The following CLPB variants were observed in gnomAD, a reference collection of about 807,000 sequenced individuals.
CLPB encodes mitochondrial disaggregase.
In CLPB, 40 loss-of-function variants were observed where a neutral mutation model predicts 78.4. That is an observed-to-expected ratio of 0.51 (90% confidence interval 0.40 to 0.66). CLPB has a LOEUF of 0.66. CLPB is among the 30% of genes least tolerant of loss of function. The pLI is 0.00. For missense variants in CLPB, 780 were observed against 886.9 expected, an observed-to-expected ratio of 0.88 and a Z score of 1.53; for synonymous variants, 333 against 348.0, an observed-to-expected ratio of 0.96 and a Z score of 0.48.
intron 6 of CLPB, among the ~76,000 whole-genome samples, chr11:72,319,108 G>C (rs1950001138): frequency 6.6e-6 from 1 of 152,120 alleles, no homozygotes; most frequent in East Asian, 1.9e-4. Context: ...CCTGCCTCTG[G>C]GCCTTTGCTG....
intron 5 of CLPB, among the ~76,000 whole-genome samples, chr11:72,339,798 G>A (rs1950386846): frequency 1.3e-5 from 2 of 152,194 alleles, no homozygotes; most frequent in African/African-American, 4.8e-5. Flanking sequence ...GCACATGGAA[G>A]GCTGGCTTTA....
intron 4 of CLPB, among the ~76,000 whole-genome samples, chr11:72,362,417 T>A (rs1306756379): frequency 9.9e-5 from 15 of 152,244 alleles, no homozygotes; most frequent in Admixed American, 9.8e-4. Context: ...CATAAGTATG[T>A]GCTTGACAAA....
At chr11:72,401,235 C>T (rs1024443640) in intron 3 of CLPB, among the ~76,000 whole-genome samples, 1 of 151,990 alleles carries the variant, frequency 6.6e-6, no homozygotes, top group Non-Finnish European at 1.5e-5. Context: ...GTCAGGAGAT[C>T]GATACCATTC....
intron 1 of CLPB, among the ~76,000 whole-genome samples, chr11:72,432,984 T>TCATC (rs1332549423): frequency 6.6e-6 from 1 of 152,224 alleles, no homozygotes; most frequent in South Asian, 2.1e-4. Flanking sequence ...CTCACATAGG[T>TCATC]CATCAGTCTG....
chr11:72,431,707 T>A (rs1193592330), intron 1 of CLPB, among the ~76,000 whole-genome samples: 1 of 152,020 alleles, frequency 6.6e-6, no homozygotes, highest in African/African-American at 2.4e-5. Context: ...CTCCCTTCAC[T>A]CTGCAGAAAA....
At chr11:72,323,472 CAGG>C (rs1160582568) in intron 6 of CLPB, among the ~76,000 whole-genome samples, 1 of 150,254 alleles carries the variant, frequency 6.7e-6, no homozygotes, top group African/African-American at 2.5e-5. Flanking sequence ...GAGGCTGAGG[CAGG>C]AGAATTGCTT....
intron 2 of CLPB, among the ~76,000 whole-genome samples, chr11:72,427,269 G>A (rs1030898301): frequency 6.6e-6 from 1 of 152,234 alleles, no homozygotes; most frequent in Non-Finnish European, 1.5e-5. Flanking sequence ...AGGAGCTGGG[G>A]GAGGTCAAGT....
intron 6 of CLPB, among the ~76,000 whole-genome samples, chr11:72,326,710 ATTATG>A (rs1277102400): frequency 1.3e-5 from 2 of 152,166 alleles, no homozygotes; most frequent in African/African-American, 2.4e-5. Context: ...GGCCTGAGTC[ATTATG>A]TTACAGATGC....
chr11:72,425,984 A>G (rs1281590874), intron 2 of CLPB, among the ~76,000 whole-genome samples: 1 of 152,074 alleles, frequency 6.6e-6, no homozygotes, highest in Non-Finnish European at 1.5e-5. Flanking sequence ...CGACTCTGTC[A>G]TCATGGGCAG....
At position 72,299,212 on chromosome 11, in the gene CLPB, C is replaced by T. The variant is rs550747475; in HGVS notation, c.1329+2591G>A. On this transcript the variant is annotated intron_variant, in intron 11 of 15. Coordinates refer to ENST00000538039, the MANE Select transcript of CLPB (RefSeq NM_001258392.3). The stretch of plus-strand genomic sequence containing the variant: ...TCCTCAGTCAACCTTCTAGTAGTTT[C>T]TCCAGCCCATGGCCTCCCCAGCTGT... Among the ~76,000 whole-genome samples, 6 of 152,352 alleles carry T rather than the reference C, an allele frequency of 3.9e-5. No individual in the cohort carries two copies. In the South Asian group the frequency reaches 8.3e-4, roughly 21 times the overall value.
chr11:72,361,417 T>C (rs1262572839), intron 4 of CLPB, among the ~76,000 whole-genome samples: 1 of 152,194 alleles, frequency 6.6e-6, no homozygotes, highest in Non-Finnish European at 1.5e-5. Flanking sequence ...CAATCAGAGA[T>C]TACTAGCCCT....
chr11:72,405,226 A>C (rs1855675627), intron 2 of CLPB, among the ~76,000 whole-genome samples: 1 of 152,246 alleles, frequency 6.6e-6, no homozygotes, highest in East Asian at 1.9e-4. Flanking sequence ...GAAGCAGGAA[A>C]GGAACATTCA....
chr11:72,415,430 G>A (rs1855993689), intron 2 of CLPB, among the ~76,000 whole-genome samples: 1 of 152,138 alleles, frequency 6.6e-6, no homozygotes, highest in Non-Finnish European at 1.5e-5. Flanking sequence ...GTTTACTTGA[G>A]GGGTGAAGAT....
chr11:72,398,068 C>G (rs533459928), intron 3 of CLPB, among the ~76,000 whole-genome samples: 5 of 152,340 alleles, frequency 3.3e-5, no homozygotes, highest in Non-Finnish European at 7.3e-5. Context: ...GGCTCTGCAC[C>G]TCCCAAAGCC....
chr11:72,374,344 A>C (rs1377249988), intron 4 of CLPB, among the ~76,000 whole-genome samples: 1 of 152,238 alleles, frequency 6.6e-6, no homozygotes, highest in African/African-American at 2.4e-5. Context: ...ACTTTAAGTC[A>C]TTTACTCAAG....
rs189114262 is a variant in CLPB, at chr11:72,317,468, T to C, written c.874-248A>G. On this transcript the variant is annotated intron_variant, in intron 6 of 15. Coordinates refer to ENST00000538039, the MANE Select transcript of CLPB (RefSeq NM_001258392.3). ...TAGCAGATTAACCGTGGCTCTGGAGTCTGACAGAAGACCTGGGTCCAAGCC... is the reference window on the plus strand; with the variant it reads ...TAGCAGATTAACCGTGGCTCTGGAGCCTGACAGAAGACCTGGGTCCAAGCC... 2.6e-3 allele frequency among the ~76,000 whole-genome samples: 394 copies of C among 152,174 alleles called. 1 individual carries two copies. The highest frequency in any genetic ancestry group is 9.1e-3 in the African/African-American group (376 of 41,516).
chr11:72,421,318 A>C (rs985906156), intron 2 of CLPB, among the ~76,000 whole-genome samples: 1 of 150,576 alleles, frequency 6.6e-6, no homozygotes, highest in Non-Finnish European at 1.5e-5. Context: ...TCCCTACTAA[A>C]CTCTCTGCTC....
intron 3 of CLPB, among the ~76,000 whole-genome samples, chr11:72,381,601 C>G (rs1477065953): frequency 6.6e-6 from 1 of 152,148 alleles, no homozygotes; most frequent in African/African-American, 2.4e-5. Context: ...TAGACTCCCC[C>G]CAGAACCGGC....
intron 2 of CLPB, among the ~76,000 whole-genome samples, chr11:72,409,174 G>A (rs962425886): frequency 6.6e-6 from 1 of 152,160 alleles, no homozygotes; most frequent in Non-Finnish European, 1.5e-5. Flanking sequence ...GCTCACTCCA[G>A]ACTTGTGGAA....
Sources: gnomAD v4.1 joint callset for allele counts (sites outside exome capture counted in the v4.1 genomes callset) on GRCh38, gnomAD v4.1.1 for gene constraint, MANE v1.5 for transcripts, NCBI Gene and HGNC (gene_info 2026-07-23, HGNC 2026-07-21) for gene names.